LRP1B: variants seen among roughly 807,000 people sequenced by gnomAD.
LRP1B encodes the protein low-density lipoprotein receptor-related protein 1B.
Under a neutral mutation model 556.6 loss-of-function variants are expected in LRP1B, and 217 were observed. The observed-to-expected ratio is 0.39, with a 90% CI of 0.35 to 0.44. The LOEUF (loss-of-function observed/expected upper bound fraction) is 0.44, where lower values mean the gene tolerates loss of function less well. Ranked by LOEUF, LRP1B falls within the 20% of genes least tolerant of loss-of-function variation. LRP1B has a pLI of 1.00. For synonymous variants in LRP1B, 2,047 were observed against 1,865.8 expected, an observed-to-expected ratio of 1.10 and a Z score of -2.50; for missense variants, 5,053 against 5,620.8, an observed-to-expected ratio of 0.90 and a Z score of 3.23.
At chr2:141,256,366 T>G (rs1484978288) in intron 3 of LRP1B, among the ~76,000 whole-genome samples, 1 of 151,558 alleles carries the variant, frequency 6.6e-6, no homozygotes, top group Non-Finnish European at 1.5e-5. Context: ...TAATGCTTGA[T>G]GTAGTTAAAA....
At chr2:140,872,512 AC>A (rs1236934009) in intron 25 of LRP1B, among the ~76,000 whole-genome samples, 1 of 151,446 alleles carries the variant, frequency 6.6e-6, no homozygotes, top group African/African-American at 2.4e-5. Flanking sequence ...ACATGGTTTA[AC>A]CTTTTAATAA....
intron 1 of LRP1B, among the ~76,000 whole-genome samples, chr2:142,039,966 A>G (rs575704036): frequency 7.3e-5 from 11 of 151,562 alleles, no homozygotes; most frequent in Admixed American, 2.6e-4. Context: ...ATAAACCCCA[A>G]CTAATTGTAT....
chr2:140,745,543 A>C (rs926690827), intron 35 of LRP1B, among the ~76,000 whole-genome samples: 25 of 152,114 alleles, frequency 1.6e-4, no homozygotes, highest in Non-Finnish European at 3.5e-4. Flanking sequence ...AAGATGAGTA[A>C]AAGTTGTTCT....
chr2:140,961,691 T>TC (rs1696039314), intron 18 of LRP1B, among the ~76,000 whole-genome samples: 1 of 152,158 alleles, frequency 6.6e-6, no homozygotes, highest in Non-Finnish European at 1.5e-5. Context: ...TAAGCATGTT[T>TC]ACATTATTGT....
At chr2:141,966,654 G>A (rs1007367494) in intron 1 of LRP1B, among the ~76,000 whole-genome samples, 4 of 151,420 alleles carry the variant, frequency 2.6e-5, no homozygotes, top group African/African-American at 9.7e-5. Flanking sequence ...AATCCATCTC[G>A]GGGGGCTGCT....
chr2:141,187,060 G>C (rs1488139365), intron 7 of LRP1B, among the ~76,000 whole-genome samples: 1 of 152,036 alleles, frequency 6.6e-6, no homozygotes, highest in African/African-American at 2.4e-5. Context: ...GATGCCAAAA[G>C]AATGTTGTTA....
intron 2 of LRP1B, among the ~76,000 whole-genome samples, chr2:141,633,980 A>G (rs563586357): frequency 6.6e-6 from 1 of 152,104 alleles, no homozygotes; most frequent in South Asian, 2.1e-4. Context: ...GATTAACTAT[A>G]GGGCTTTGGC....
intron 2 of LRP1B, among the ~76,000 whole-genome samples, chr2:141,664,170 C>T (rs1690333850): frequency 6.6e-6 from 1 of 152,136 alleles, no homozygotes; most frequent in Admixed American, 6.5e-5. Flanking sequence ...CAGAAAAGGC[C>T]TTTGATAAAA....
intron 83 of LRP1B, among the ~76,000 whole-genome samples, chr2:140,312,376 A>C (rs1388639393): frequency 6.6e-6 from 1 of 151,990 alleles, no homozygotes; most frequent in East Asian, 1.9e-4. Context: ...ACTGGGTAGG[A>C]AAGTTTGACT....
chr2:140,875,800 G>T (rs1249604377), intron 25 of LRP1B, among the ~76,000 whole-genome samples: 2 of 152,078 alleles, frequency 1.3e-5, no homozygotes, highest in Non-Finnish European at 2.9e-5. Flanking sequence ...ATTTGTATAT[G>T]TTATTGGTAT....
intron 21 of LRP1B, among the ~76,000 whole-genome samples, chr2:140,908,943 G>A (rs1694338282): frequency 6.6e-6 from 1 of 152,114 alleles, no homozygotes; most frequent in Admixed American, 6.6e-5. Context: ...GGGATTACAG[G>A]CATGTGCCAC....
intron 3 of LRP1B, among the ~76,000 whole-genome samples, chr2:141,423,433 T>C (rs897824661): frequency 4.0e-5 from 6 of 151,256 alleles, no homozygotes; most frequent in African/African-American, 1.2e-4. Context: ...GGAAAAGACA[T>C]GAAACTAAGC....
intron 14 of LRP1B, among the ~76,000 whole-genome samples, chr2:141,009,433 A>G (rs1304102079): frequency 6.6e-6 from 1 of 151,880 alleles, no homozygotes. Flanking sequence ...CTCCTTGAAG[A>G]CTGTGTTTAT....
At chr2:140,789,134 C>A (rs570370837) in intron 32 of LRP1B, among the ~76,000 whole-genome samples, 4 of 152,192 alleles carry the variant, frequency 2.6e-5, no homozygotes, top group African/African-American at 9.6e-5. Context: ...TTATTCAGGG[C>A]AGGATAAAGT....
At chr2:141,641,942 A>T (rs1052822698) in intron 2 of LRP1B, among the ~76,000 whole-genome samples, 1 of 152,192 alleles carries the variant, frequency 6.6e-6, no homozygotes, top group African/African-American at 2.4e-5. Flanking sequence ...CAACATGGAA[A>T]ATCATTTTGG....
intron 2 of LRP1B, among the ~76,000 whole-genome samples, chr2:141,565,273 C>T (rs1422443431): frequency 2.0e-5 from 3 of 152,126 alleles, no homozygotes; most frequent in African/African-American, 7.2e-5. Context: ...CTTATATCTA[C>T]AGTGTGTTCC....
rs181564699 is a variant in LRP1B at position 140,234,816 on chromosome 2, G to C, written c.13629C>G (p.Asn4543Lys). Residue 4543 changes from asparagine to lysine, a missense_variant, in exon 90 of 91, where the codon AAC (asparagine) becomes AAG (lysine). Physicochemically the swap from Asn to Lys is moderately conservative, Grantham distance 94. Around this residue, in one of 5 missense-constraint regions of LRP1B, gnomAD observed 551 missense variants for 592.0 expected, o/e 0.93. Transcript: ENST00000389484. ...CAGTTAGTGGTCCTTTCAAATCAGA[G>C]TTTAGGTAGATGGGCGGCGCTGTGT... is the stretch of plus-strand genomic sequence containing the variant. ...LPHTAPPIYL[N>K]SDLKGPLTAG... 1.3e-6 allele frequency: 1 copy of C among 775,548 alleles called. No individual in the cohort carries two copies. Among genetic ancestry groups the C allele is most frequent in the African/African-American group, 1.7e-5 (1 of 58,664 alleles). 48.0% of individuals were successfully genotyped at this position (775,548 alleles called of 1,614,324 possible).
intron 59 of LRP1B, among the ~76,000 whole-genome samples, chr2:140,483,640 ATTTTTTT>A (rs1178469364): frequency 2.8e-5 from 2 of 70,748 alleles, no homozygotes; most frequent in Admixed American, 2.0e-4. Context: ...ATATATATAT[ATTTTTTT>A]TTTTTTTTTT....
At chr2:141,535,969 T>A (rs888051653) in intron 2 of LRP1B, among the ~76,000 whole-genome samples, 4 of 152,114 alleles carry the variant, frequency 2.6e-5, no homozygotes, top group Admixed American at 1.3e-4. Flanking sequence ...TTATAGAAAA[T>A]CTACCCACTT....
Sources: gnomAD v4.1 joint callset for allele counts (sites outside exome capture counted in the v4.1 genomes callset) on GRCh38, gnomAD v4.1.1 for gene constraint, gnomAD v4.1.1 regional missense constraint, MANE v1.5 for transcripts, NCBI Gene and HGNC (gene_info 2026-07-23, HGNC 2026-07-21) for gene names.